The following SHROOM4 variants were observed in gnomAD, a reference collection of about 807,000 sequenced individuals.
SHROOM4 encodes protein Shroom4.
SHROOM4 carries 17 observed loss-of-function variants against 80.3 expected under a neutral mutation model. That is an observed-to-expected ratio of 0.21 (90% CI 0.14 to 0.32). The LOEUF is 0.32. Among genes scored for constraint, SHROOM4 ranks in the 10% least tolerant of loss-of-function variants. SHROOM4 has a pLI of 1.00. For missense variants in SHROOM4, 993 were observed against 1,140.3 expected, an observed-to-expected ratio of 0.87 and a Z score of 1.86; for synonymous variants, 400 against 437.5, an observed-to-expected ratio of 0.91 and a Z score of 1.07.
intron 2 of SHROOM4, among the ~76,000 whole-genome samples, chrX:50,668,358 A>G (rs1226097944): frequency 9.0e-6 from 1 of 111,166 alleles, no homozygotes; most frequent in African/African-American, 3.3e-5. Flanking sequence ...GGGAGATATC[A>G]GTGAAAGCCT....
intron 1 of SHROOM4, among the ~76,000 whole-genome samples, chrX:50,737,635 T>A (rs1934527772): frequency 9.0e-6 from 1 of 111,031 alleles, no homozygotes; most frequent in South Asian, 3.8e-4. Flanking sequence ...CAGGAAGAAG[T>A]TGAATCCCTG....
intron 1 of SHROOM4, among the ~76,000 whole-genome samples, chrX:50,762,408 T>A (rs556162558): frequency 8.9e-6 from 1 of 112,220 alleles, no homozygotes; most frequent in African/African-American, 3.2e-5. Flanking sequence ...CTATTGTTTT[T>A]AAATCAATTA....
intron 7 of SHROOM4, among the ~76,000 whole-genome samples, chrX:50,601,794 T>C (rs1483214719): frequency 8.9e-6 from 1 of 112,113 alleles, no homozygotes; most frequent in African/African-American, 3.2e-5. Context: ...AAGTTGTCCT[T>C]ATTTTACTTA....
intron 1 of SHROOM4, among the ~76,000 whole-genome samples, chrX:50,794,902 G>GTA (rs60153784): frequency 0.04 from 3,695 of 92,498 alleles, 102 homozygotes; most frequent in African/African-American, 0.083. Context: ...GTATAAATGT[G>GTA]TATATATATA....
intron 1 of SHROOM4, among the ~76,000 whole-genome samples, chrX:50,801,860 G>A (rs964348608): frequency 1.3e-4 from 15 of 112,137 alleles, no homozygotes; most frequent in Non-Finnish European, 2.6e-4. Context: ...AGAGAGAGGA[G>A]CTAGGTAAAG....
At chrX:50,651,743 C>A (rs914390265) in intron 2 of SHROOM4, among the ~76,000 whole-genome samples, 2 of 108,819 alleles carry the variant, frequency 1.8e-5, no homozygotes, top group South Asian at 4.3e-4. Flanking sequence ...GCCCCTTAAC[C>A]CCCGACATGC....
At chrX:50,705,425 G>C (rs1557263891) in intron 1 of SHROOM4, among the ~76,000 whole-genome samples, 1 of 111,606 alleles carries the variant, frequency 9.0e-6, no homozygotes, top group East Asian at 2.8e-4. Context: ...AATAAATAAG[G>C]CAAGCAATGT....
At chrX:50,615,318 C>T (rs1309679028) in intron 5 of SHROOM4, among the ~76,000 whole-genome samples, 12 of 111,068 alleles carry the variant, frequency 1.1e-4, no homozygotes, top group African/African-American at 3.9e-4. Context: ...CTTCTTTTTG[C>T]CTTTACATGC....
chrX:50,602,597 T>C (rs781926037), intron 7 of SHROOM4, 36 bp downstream of exon 7: 8 of 1,193,345 alleles, frequency 6.7e-6, no homozygotes, highest in Non-Finnish European at 9.1e-6. Context: ...TCAAGCTAAA[T>C]TCTGAAAATC....
intron 1 of SHROOM4, among the ~76,000 whole-genome samples, chrX:50,799,668 G>A (rs1473397696): frequency 8.9e-6 from 1 of 112,069 alleles, no homozygotes; most frequent in Non-Finnish European, 1.9e-5. Context: ...GTCAGAGCTT[G>A]CTTAAGAAAA....
At chrX:50,786,531 G>T (rs1935744203) in intron 1 of SHROOM4, among the ~76,000 whole-genome samples, 1 of 111,819 alleles carries the variant, frequency 8.9e-6, no homozygotes, top group African/African-American at 3.3e-5. Context: ...CTCTGTTTCA[G>T]GACCAGTGTG....
rs140871161 is a variant in SHROOM4 at position 50,655,793 on chromosome X, T to G, written c.270-17485A>C. Among the ~76,000 whole-genome samples, 843 of 110,144 alleles carry G rather than the reference T, an allele frequency of 7.7e-3. 11 individuals are homozygous for G. Among genetic ancestry groups the G allele is most frequent in the African/African-American group, 0.026 (787 of 30,400 alleles). ...TTAGATATATACCCAGAAGTAGGAC[T>G]GCTGGCTTATATTATAGTTCTATTT... On this transcript the variant is annotated intron_variant, in intron 2 of 8. Transcript: ENST00000376020.
rs145051435 is a variant in SHROOM4, at chrX:50,813,953, G to A, written c.66C>T (p.Gly22=). ...GTTCCAGACCCCCCTTAAGGGTGAAGCCCCAGGGTGCCCCCCCTTGCAGCT... is the reference window on the plus strand; with the variant it reads ...GTTCCAGACCCCCCTTAAGGGTGAAACCCCAGGGTGCCCCCCCTTGCAGCT... ...PVQLQGGAPW[G]FTLKGGLEHC... The change falls in exon 1 of 9, where the codon GGC becomes GGT. Residue 22 remains glycine (G), a synonymous_variant. Transcript: ENST00000376020. 5.0e-5 allele frequency: 60 copies of A among 1,204,815 alleles called. No individual in the cohort carries two copies. The highest frequency in any genetic ancestry group is 6.4e-5 in the Non-Finnish European group (57 of 892,345).
intron 2 of SHROOM4, among the ~76,000 whole-genome samples, chrX:50,676,363 T>C (rs782719421): frequency 9.0e-6 from 1 of 110,610 alleles, no homozygotes; most frequent in East Asian, 2.8e-4. Context: ...AAAACAAATA[T>C]ATGAAGAATC....
At chrX:50,672,193 T>C (rs1557260874) in intron 2 of SHROOM4, among the ~76,000 whole-genome samples, 1 of 112,097 alleles carries the variant, frequency 8.9e-6, no homozygotes, top group Admixed American at 9.5e-5. Context: ...CAAAAAATCA[T>C]TGATTACAGA....
intron 2 of SHROOM4, among the ~76,000 whole-genome samples, chrX:50,651,950 T>G (rs181002348): frequency 8.9e-6 from 1 of 111,787 alleles, no homozygotes; most frequent in Non-Finnish European, 1.9e-5. Flanking sequence ...CCATGGTGTA[T>G]ATGTGCCATA....
At chrX:50,582,119 C>A (rs952302207), downstream of SHROOM4, among the ~76,000 whole-genome samples, 8 of 111,834 alleles carry the variant, frequency 7.2e-5, no homozygotes, top group Non-Finnish European at 1.3e-4. Context: ...ATATATGACT[C>A]CATCTTGCTA....
At chrX:50,759,669 A>G (rs1349593175) in intron 1 of SHROOM4, among the ~76,000 whole-genome samples, 1 of 111,097 alleles carries the variant, frequency 9.0e-6, no homozygotes, top group Admixed American at 9.6e-5. Context: ...TTGGTTTTAC[A>G]TTTTTTCTTC....
intron 7 of SHROOM4, among the ~76,000 whole-genome samples, chrX:50,599,727 T>C (rs1231993400): frequency 9.0e-6 from 1 of 111,652 alleles, no homozygotes; most frequent in African/African-American, 3.3e-5. Context: ...ATTTTGATTA[T>C]TCCTAAATTT....
Sources: gnomAD v4.1 joint callset for allele counts (sites outside exome capture counted in the v4.1 genomes callset) on GRCh38, gnomAD v4.1.1 for gene constraint, MANE v1.5 for transcripts, NCBI Gene and HGNC (gene_info 2026-07-23, HGNC 2026-07-21) for gene names.